DNM3: variants seen among roughly 807,000 people sequenced by gnomAD.
The protein encoded by DNM3 is dynamin-3.
DNM3 carries 47 observed loss-of-function variants against 101.6 expected under a neutral mutation model. That is an observed-to-expected ratio of 0.46 (90% CI 0.37 to 0.59). The LOEUF is 0.59. DNM3 is among the 20% of genes least tolerant of loss of function. The pLI is 0.00. For missense variants in DNM3, 849 were observed against 1,085.7 expected, an observed-to-expected ratio of 0.78 and a Z score of 3.06; for synonymous variants, 385 against 387.9, an observed-to-expected ratio of 0.99 and a Z score of 0.09.
At chr1:172,265,077 A>G (rs1363621370) in intron 15 of DNM3, among the ~76,000 whole-genome samples, 1 of 152,140 alleles carries the variant, frequency 6.6e-6, no homozygotes, top group African/African-American at 2.4e-5. Context: ...GGAACTGACC[A>G]TTGCTCCTGC....
At chr1:172,237,699 A>G (rs993166813) in intron 14 of DNM3, among the ~76,000 whole-genome samples, 1 of 152,206 alleles carries the variant, frequency 6.6e-6, no homozygotes, top group South Asian at 2.1e-4. Context: ...TTTATTTTAC[A>G]TATCCACAAA....
At chr1:171,899,303 T>A (rs2038095874) in intron 1 of DNM3, among the ~76,000 whole-genome samples, 1 of 152,190 alleles carries the variant, frequency 6.6e-6, no homozygotes, top group Admixed American at 6.5e-5. Context: ...GAGGGGAGAT[T>A]TTTGCTAGTG....
At chr1:171,933,864 C>A (rs1384431632) in intron 2 of DNM3, among the ~76,000 whole-genome samples, 1 of 152,162 alleles carries the variant, frequency 6.6e-6, no homozygotes, top group Non-Finnish European at 1.5e-5. Context: ...TCCTCTATTG[C>A]AACCAAATGG....
intron 17 of DNM3, among the ~76,000 whole-genome samples, chr1:172,374,009 G>GGTTT (rs1373626532): frequency 6.6e-6 from 1 of 151,980 alleles, no homozygotes; most frequent in African/African-American, 2.4e-5. Flanking sequence ...AAGAAGTTCT[G>GGTTT]GTTTTGGCAA....
At chr1:172,280,163 C>T (rs905274306) in intron 15 of DNM3, among the ~76,000 whole-genome samples, 14 of 152,036 alleles carry the variant, frequency 9.2e-5, no homozygotes, top group African/African-American at 2.2e-4. Flanking sequence ...CAGAAACTCC[C>T]GTGAGTCATG....
chr1:171,985,871 G>A lies in DNM3; in HGVS notation c.236-1785G>A, dbSNP rs961522157. On this transcript the variant is annotated intron_variant, in intron 2 of 20. Transcript: ENST00000627582. ...GTGGTGATGTGACAAAGCAAGATAA[G>A]GGTGTGAGGCCCAGGAAGGAGACAA... 4.6e-5 allele frequency among the ~76,000 whole-genome samples: 7 copies of A among 152,268 alleles called. No individual in the cohort carries two copies. In the South Asian group the frequency reaches 1.5e-3, roughly 32 times the overall value.
intron 15 of DNM3, among the ~76,000 whole-genome samples, chr1:172,302,189 T>C (rs544235054): frequency 6.6e-6 from 1 of 152,152 alleles, no homozygotes; most frequent in Non-Finnish European, 1.5e-5. Context: ...TTTCCAATGG[T>C]CTTAGCAAAT....
At chr1:172,133,906 T>C (rs894121416) in intron 14 of DNM3, among the ~76,000 whole-genome samples, 6 of 152,156 alleles carry the variant, frequency 3.9e-5, no homozygotes, top group African/African-American at 1.4e-4. Context: ...GCCTTATCAG[T>C]CCCTACCCAA....
chr1:171,882,668 T>A (rs2036391334), intron 1 of DNM3, among the ~76,000 whole-genome samples: 1 of 152,174 alleles, frequency 6.6e-6, no homozygotes, highest in Admixed American at 6.5e-5. Flanking sequence ...TACCTTTAGT[T>A]GTCATGTCTT....
chr1:172,030,442 A>G (rs113297070), intron 4 of DNM3, among the ~76,000 whole-genome samples: 56,093 of 151,992 alleles, frequency 0.37, 10,867 homozygotes, highest in East Asian at 0.69. Context: ...AAGACCCAAA[A>G]CCATAAAAAC....
intron 1 of DNM3, among the ~76,000 whole-genome samples, chr1:171,878,895 A>G (rs1317089668): frequency 6.6e-6 from 1 of 152,164 alleles, no homozygotes; most frequent in Non-Finnish European, 1.5e-5. Flanking sequence ...ACCAGTGGGA[A>G]TGAATGATCC....
chr1:172,250,762 C>T (rs957199841), intron 14 of DNM3, among the ~76,000 whole-genome samples: 1 of 151,922 alleles, frequency 6.6e-6, no homozygotes, highest in Non-Finnish European at 1.5e-5. Flanking sequence ...GAAGGATAAA[C>T]CTGATAGCAG....
intron 13 of DNM3, among the ~76,000 whole-genome samples, chr1:172,095,286 C>T (rs1261857323): frequency 6.6e-6 from 1 of 152,126 alleles, no homozygotes; most frequent in African/African-American, 2.4e-5. Context: ...GGAATAGTTA[C>T]ACCAAGTAAA....
Position 171,938,699 on chromosome 1 carries a change from G to A in DNM3, c.235+16878G>A, listed in dbSNP as rs547537678. On this transcript the variant is annotated intron_variant, in intron 2 of 20. Transcript: ENST00000627582. ...TGGAAAAACATGCTTATTAGATGGA[G>A]AGAGATGCAGATACATCATACATAT... Among the ~76,000 whole-genome samples the A allele has an allele frequency of 5.9e-5, 9 of 152,184 alleles. No individual in the cohort carries two copies. In the South Asian group the frequency reaches 1.2e-3, roughly 21 times the overall value.
intron 4 of DNM3, among the ~76,000 whole-genome samples, chr1:171,996,876 A>T (rs545245434): frequency 6.6e-6 from 1 of 152,086 alleles, no homozygotes; most frequent in Non-Finnish European, 1.5e-5. Flanking sequence ...AAAAAATATA[A>T]AAAAAATTAG....
At chr1:171,911,561 G>T (rs1457294267) in intron 1 of DNM3, among the ~76,000 whole-genome samples, 2 of 152,188 alleles carry the variant, frequency 1.3e-5, no homozygotes, top group Non-Finnish European at 2.9e-5. Flanking sequence ...GGGATTACAG[G>T]TGTGAGCCAC....
chr1:172,354,110 T>TGAGAGAGAGA (rs1445200263), intron 17 of DNM3, among the ~76,000 whole-genome samples: 640 of 52,484 alleles, frequency 0.012, 4 homozygotes, highest in South Asian at 0.044. Flanking sequence ...TGTGTGTGTG[T>TGAGAGAGAGA]GTGAGAGAGA....
intron 4 of DNM3, among the ~76,000 whole-genome samples, chr1:172,017,417 G>A (rs999659324): frequency 6.6e-6 from 1 of 151,984 alleles, no homozygotes; most frequent in Non-Finnish European, 1.5e-5. Context: ...AGTTCAAACT[G>A]TTTTTTAAGT....
chr1:172,350,631 T>C (rs1266019881), intron 17 of DNM3, among the ~76,000 whole-genome samples: 1 of 152,156 alleles, frequency 6.6e-6, no homozygotes, highest in African/African-American at 2.4e-5. Flanking sequence ...GCCTGGGGTA[T>C]GCTAATGAAA....
Sources: gnomAD v4.1 joint callset for allele counts (sites outside exome capture counted in the v4.1 genomes callset) on GRCh38, gnomAD v4.1.1 for gene constraint, MANE v1.5 for transcripts, NCBI Gene and HGNC (gene_info 2026-07-23, HGNC 2026-07-21) for gene names.